CHD4: variants seen among roughly 807,000 people sequenced by gnomAD.
CHD4 encodes the protein chromodomain helicase DNA binding protein 4.
Under a neutral mutation model 235.5 loss-of-function variants are expected in CHD4, and 35 were observed. The ratio of observed to expected loss-of-function variants is 0.15; its 90% CI spans 0.11 to 0.20. The LOEUF is 0.20. Among genes scored for constraint, CHD4 ranks in the 10% least tolerant of loss-of-function variants. CHD4 has a pLI of 1.00. For synonymous variants in CHD4, 900 were observed against 850.2 expected, an observed-to-expected ratio of 1.06 and a Z score of -1.02; for missense variants, 1,329 against 2,432.3, an observed-to-expected ratio of 0.55 and a Z score of 9.54.
chr12:6,590,662 A>T (rs1242745805), intron 22 of CHD4, among the ~76,000 whole-genome samples: 2 of 152,012 alleles, frequency 1.3e-5, no homozygotes, highest in African/African-American at 4.8e-5. Context: ...CTACAAAAAA[A>T]TTTTTTTAGT....
At chr12:6,582,004 T>C (rs1483139917) in intron 30 of CHD4, 133 bp downstream of exon 30, 1 of 1,174,502 alleles carries the variant, frequency 8.5e-7, no homozygotes, top group Non-Finnish European at 1.2e-6. Context: ...GGTTTCGCCA[T>C]GTTGACCAGG....
intron 6 of CHD4, 83 bp downstream of exon 6, chr12:6,601,206 C>A: frequency 6.4e-7 from 1 of 1,569,446 alleles, no homozygotes; most frequent in Non-Finnish European, 8.7e-7. Context: ...TACCTTAGGG[C>A]TGACAGACCA....
chr12:6,599,099 C>T (rs1448857679), intron 10 of CHD4, among the ~76,000 whole-genome samples: 1 of 152,164 alleles, frequency 6.6e-6, no homozygotes, highest in African/African-American at 2.4e-5. Context: ...GCACAGAATT[C>T]CTCCCTTAAG....
In CHD4 at chr12:6,594,568, T is replaced by C. The variant is rs1289871058; in HGVS notation, c.2204A>G (p.Asn735Ser). 4 of 1,614,012 alleles carry C rather than the reference T, an allele frequency of 2.5e-6. No homozygotes were observed. The highest frequency in any genetic ancestry group is 2.5e-6 in the Non-Finnish European group (3 of 1,180,006). The change falls in exon 15 of 40, where the codon AAT (asparagine) becomes AGT (serine). Residue 735 changes from asparagine (N) to serine (S), a missense_variant. Asn to Ser is a conservative substitution (Grantham distance 46). Coordinates refer to ENST00000544040, the MANE Select transcript of CHD4 (RefSeq NM_001273.5). ...CTGAGCCCAGGAGAAGCGCAACCAATTCAGGCCCTCCATTTGATAGGGGTG... is the reference window on the plus strand; with the variant it reads ...CTGAGCCCAGGAGAAGCGCAACCAACTCAGGCCCTCCATTTGATAGGGGTG... ...TLHPYQMEGL[N>S]WLRFSWAQGT... is the part of the protein sequence containing the mutation.
rs770801247 is a variant in CHD4, at chr12:6,573,124, G to C, written c.5507C>G (p.Ser1836Cys). Residue 1836 changes from serine (S) to cysteine (C), a missense_variant, in exon 38 of 40, where the codon TCC becomes TGC. By Grantham distance (112) the Ser-to-Cys change is moderately radical. Coordinates refer to ENST00000544040, the MANE Select transcript of CHD4 (RefSeq NM_001273.5). Reference protein sequence around the residue: ...ECLAESHQHLSKESMAGNKPA... With the variant: ...ECLAESHQHLCKESMAGNKPA... ...CTTGTTTCCTGCCATTGACTCCTTGGACAGGTGCTGATGACTTTCCGCCAA... is the reference window on the plus strand; with the variant it reads ...CTTGTTTCCTGCCATTGACTCCTTGCACAGGTGCTGATGACTTTCCGCCAA... The C allele has an allele frequency of 3.7e-6, 6 of 1,611,372 alleles. No individual in the cohort carries two copies. Among genetic ancestry groups the C allele is most frequent in the Non-Finnish European group, 3.4e-6 (4 of 1,178,876 alleles).
At chr12:6,606,197 C>G in intron 2 of CHD4, 77 bp downstream of exon 2, 1 of 986,814 alleles carries the variant, frequency 1.0e-6, no homozygotes, top group Non-Finnish European at 1.5e-6. Context: ...GCAACACAGC[C>G]CTGCCTCACC....
Position 6,588,259 on chromosome 12 carries a change from A to G in CHD4, c.3465+39T>C, listed in dbSNP as rs764598745. 10 of 1,606,888 alleles carry G rather than the reference A, an allele frequency of 6.2e-6. No individual in the cohort carries two copies. In the East Asian group the frequency reaches 1.8e-4, roughly 29 times the overall value. Reference sequence around the variant, plus strand: ...GAGGCCACTATGCCTTTCTAGCATAACATGTTACTTATTAAGGCTGCCTGC... The same window carrying G: ...GAGGCCACTATGCCTTTCTAGCATAGCATGTTACTTATTAAGGCTGCCTGC... On this transcript the variant is annotated intron_variant, in intron 23 of 39. Coordinates refer to ENST00000544040, the MANE Select transcript of CHD4 (RefSeq NM_001273.5).
chr12:6,596,038 G>A lies in CHD4; in HGVS notation c.1992C>T (p.Tyr664=), dbSNP rs116849726. 1.4e-3 allele frequency: 2,207 copies of A among 1,613,370 alleles called. 5 individuals are homozygous for A. Among genetic ancestry groups the A allele is most frequent in the Non-Finnish European group, 1.8e-3 (2,082 of 1,179,862 alleles). ...TCCAATAGCTCTGCTTGAACAGGTC[G>A]TAATCCTGGATCTCCACATCCTCAC... The part of the protein sequence containing the change: ...WESEDVEIQD[Y]DLFKQSYWNH... Residue 664 remains tyrosine (Y), a synonymous_variant, in exon 13 of 40, where the codon TAC becomes TAT. Coordinates refer to ENST00000544040, the MANE Select transcript of CHD4 (RefSeq NM_001273.5).
chr12:6,592,832 G>A lies in CHD4; in HGVS notation c.2653-15C>T. ...ACCCGGAAGAACTGGTGAAGCAGAT[G>A]GAGAAAGGTGAAATCCAATGAAAAC... On this transcript the variant is annotated splice_polypyrimidine_tract_variant and intron_variant, in intron 17 of 39. Coordinates refer to ENST00000544040, the MANE Select transcript of CHD4 (RefSeq NM_001273.5). 1.9e-6 allele frequency: 3 copies of A among 1,604,376 alleles called. No homozygotes were observed. The highest frequency in any genetic ancestry group is 2.7e-5 in the African/African-American group (2 of 74,532).
chr12:6,581,051 C>G lies in CHD4; in HGVS notation c.4902G>C (p.Glu1634Asp). 3.1e-6 allele frequency: 5 copies of G among 1,613,912 alleles called. No homozygotes were observed. Among genetic ancestry groups the G allele is most frequent in the Non-Finnish European group, 4.2e-6 (5 of 1,179,950 alleles). Residue 1634 changes from glutamate (E) to aspartate (D), a missense_variant, in exon 33 of 40, where the codon GAG (glutamate) becomes GAC (aspartate). By Grantham distance (45) the Glu-to-Asp change is conservative. Transcript: ENST00000544040. The stretch of plus-strand genomic sequence containing the variant: ...AAATGTGGATACCTTTACCTTTGGG[C>G]TCTGTCTCCATAGGTTCCTCTGTTC... ...KERTEEPMET[E>D]PKGAADVEKV...
At chr12:6,603,701 G>A (rs1020684905) in intron 2 of CHD4, among the ~76,000 whole-genome samples, 1 of 152,112 alleles carries the variant, frequency 6.6e-6, no homozygotes, top group African/African-American at 2.4e-5. Context: ...AGGAAAGCGA[G>A]ACAAACATGA....
At chr12:6,601,890 C>G in intron 4 of CHD4, 70 bp downstream of exon 4, 1 of 1,565,688 alleles carries the variant, frequency 6.4e-7, no homozygotes, top group Non-Finnish European at 8.8e-7. Context: ...TTCTAAAGGG[C>G]AGTAAGGTGT....
At chr12:6,572,362 G>A (rs71445116) in intron 38 of CHD4, among the ~76,000 whole-genome samples, 2 of 150,538 alleles carry the variant, frequency 1.3e-5, no homozygotes, top group African/African-American at 4.9e-5. Context: ...GGAGGCAGAG[G>A]TTGTGGTGGG....
intron 22 of CHD4, among the ~76,000 whole-genome samples, chr12:6,589,597 T>C (rs1294748525): frequency 6.6e-6 from 1 of 151,456 alleles, no homozygotes; most frequent in Non-Finnish European, 1.5e-5. Context: ...TGAAACCCTG[T>C]CTCTACTAAC....
chr12:6,591,059 G>A (rs1403284261), intron 22 of CHD4, among the ~76,000 whole-genome samples: 1 of 143,748 alleles, frequency 7.0e-6, no homozygotes, highest in Non-Finnish European at 1.5e-5. Flanking sequence ...GGAGGCGGAG[G>A]TTGCAGTGAG....
chr12:6,582,889 G>C lies in CHD4; in HGVS notation c.4195C>G (p.Pro1399Ala), dbSNP rs1948220682. The C allele has an allele frequency of 6.2e-7, 1 of 1,613,866 alleles. No homozygotes were observed. The highest frequency in any genetic ancestry group is 1.1e-5 in the South Asian group (1 of 91,086). The change falls in exon 28 of 40, where the codon CCA becomes GCA. Residue 1399 changes from proline (P) to alanine (A), a missense_variant. Pro to Ala is a conservative substitution (Grantham distance 27). Transcript: ENST00000544040. ...ACACGGGCCAACAGAGGAGGCAATG[G>C]CTTATCTTTATCATTCCGCAGGCCC... ...RKGLRNDKDK[P>A]LPPLLARVGG...
chr12:6,593,554 C>T lies in CHD4; in HGVS notation c.2376G>A (p.Arg792=). 2 of 1,614,126 alleles carry T rather than the reference C, an allele frequency of 1.2e-6. No individual in the cohort carries two copies. The highest frequency in any genetic ancestry group is 2.2e-5 in the East Asian group (1 of 44,880). ...APLSTIINWE[R]EFEMWAPDMY... ...TGTCTGGAGCCCACATTTCAAACTCCCGCTCCCAGTTGATGATGGTAGAAA... is the reference window on the plus strand; with the variant it reads ...TGTCTGGAGCCCACATTTCAAACTCTCGCTCCCAGTTGATGATGGTAGAAA... The change falls in exon 16 of 40, where the codon CGG becomes CGA. Residue 792 remains arginine, a synonymous_variant. Coordinates refer to ENST00000544040, the MANE Select transcript of CHD4 (RefSeq NM_001273.5). The surrounding 1 kb of genome is among the most constrained non-coding windows in gnomAD (Gnocchi z 4.9).
At position 6,602,002 on chromosome 12, in the gene CHD4, C is replaced by T. The variant is rs1948602418; in HGVS notation, c.396G>A (p.Arg132=). ...CATCCTCCTCCTCCTCCTCCTCCTT[C>T]CGCTTGGATTTGCTCTTCTTCTCTT... ...PKKEKKSKSK[R]KEEEEEEDDD... The change falls in exon 4 of 40, where the codon CGG becomes CGA. Residue 132 remains arginine, a synonymous_variant. Transcript: ENST00000544040. The T allele has an allele frequency of 6.2e-7, 1 of 1,610,774 alleles. No individual in the cohort carries two copies. The highest frequency in any genetic ancestry group is 8.5e-7 in the Non-Finnish European group (1 of 1,179,986).
At chr12:6,591,408 A>G (rs1948397864) in intron 22 of CHD4, 58 bp downstream of exon 22, 1 of 1,309,974 alleles carries the variant, frequency 7.6e-7, no homozygotes, top group Non-Finnish European at 1.1e-6. Flanking sequence ...AAGAAGTTAC[A>G]GTCCAAAGAT....
Sources: gnomAD v4.1 joint callset for allele counts (sites outside exome capture counted in the v4.1 genomes callset) on GRCh38, gnomAD v4.1.1 for gene constraint, Gnocchi (gnomAD v3.1) non-coding constraint, MANE v1.5 for transcripts, NCBI Gene and HGNC (gene_info 2026-07-23, HGNC 2026-07-21) for gene names.